Variants in DLGAP4 observed in about 807,000 individuals in gnomAD.
DLGAP4 encodes disks large-associated protein 4.
In DLGAP4, 18 loss-of-function variants were observed where a neutral mutation model predicts 86.9. That is an observed-to-expected ratio of 0.21 (90% CI 0.14 to 0.31). DLGAP4 has a LOEUF of 0.31. Ranked by LOEUF, DLGAP4 falls within the 10% of genes least tolerant of loss-of-function variation. The probability of loss-of-function intolerance (pLI) is 1.00; values close to 1 mark genes in which losing one functional copy is unlikely to be tolerated. For missense variants in DLGAP4, 1,085 were observed against 1,362.6 expected (o/e 0.80, Z 3.21); for synonymous variants, 548 against 574.3 (o/e 0.95, Z 0.65).
At chr20:36,340,555 G>T (rs1201810137) in intron 1 of DLGAP4, among the ~76,000 whole-genome samples, 2 of 152,170 alleles carry the variant, frequency 1.3e-5, no homozygotes, top group African/African-American at 2.4e-5. Context: ...CCAGGTCGGG[G>T]GTCTCTGCTG....
chr20:36,502,200 TTC>T (rs1230048900), intron 10 of DLGAP4, among the ~76,000 whole-genome samples: 3 of 152,234 alleles, frequency 2.0e-5, no homozygotes, highest in Admixed American at 6.5e-5. Flanking sequence ...TAATCAGTGT[TTC>T]TGTTTACTAT....
intron 10 of DLGAP4, among the ~76,000 whole-genome samples, chr20:36,519,312 G>C (rs1427560639): frequency 6.6e-6 from 1 of 152,052 alleles, no homozygotes; most frequent in African/African-American, 2.4e-5. Flanking sequence ...ATGATACCCA[G>C]TCAGTTCTTT....
intron 2 of DLGAP4, among the ~76,000 whole-genome samples, chr20:36,428,024 T>A (rs149282789): frequency 1.9e-4 from 29 of 152,086 alleles, no homozygotes; most frequent in African/African-American, 7.0e-4. Context: ...CAGGGGAAAA[T>A]ATATAGCTTT....
In DLGAP4 at chr20:36,381,057, C is replaced by A. The variant is rs80049182; in HGVS notation, c.-73+13782C>A. The stretch of plus-strand genomic sequence containing the variant: ...GCTAGCATGATCCACCTTAAAGTAC[C>A]CACCTCACAGGGAAAGATTCTAAGA... On this transcript the variant is annotated intron_variant, in intron 2 of 12. Transcript: ENST00000339266. Among the ~76,000 whole-genome samples the A allele has an allele frequency of 3.0e-3, 458 of 152,294 alleles. 3 individuals are homozygous for A. The highest frequency in any genetic ancestry group is 0.011 in the African/African-American group (439 of 41,560).
intron 1 of DLGAP4, among the ~76,000 whole-genome samples, chr20:36,334,933 C>A (rs1173226729): frequency 6.6e-6 from 1 of 152,104 alleles, no homozygotes; most frequent in Non-Finnish European, 1.5e-5. Flanking sequence ...GATTGCCCCC[C>A]GGGGGTGGCA....
At position 36,474,193 on chromosome 20, in the gene DLGAP4, A is replaced by T. The variant is rs186395897; in HGVS notation, c.1649-22512A>T. 5.5e-3 allele frequency among the ~76,000 whole-genome samples: 837 copies of T among 152,340 alleles called. 4 individuals carry two copies. Among genetic ancestry groups the T allele is most frequent in the Non-Finnish European group, 7.4e-3 (501 of 68,040 alleles). On this transcript the variant is annotated intron_variant, in intron 7 of 12. Coordinates refer to ENST00000339266, the MANE Select transcript of DLGAP4 (RefSeq NM_001365621.2). ...AATAGCCAAAAACTGTCCATGTCCC[A>T]TGCCTGGAAAGATGTAGATGGATTG...
chr20:36,409,816 G>A (rs1192292997), intron 2 of DLGAP4, among the ~76,000 whole-genome samples: 5 of 151,688 alleles, frequency 3.3e-5, no homozygotes, highest in African/African-American at 7.3e-5. Flanking sequence ...GGCGGATCAC[G>A]AGGTCAGGAG....
intron 10 of DLGAP4, among the ~76,000 whole-genome samples, chr20:36,519,886 G>C (rs2037268839): frequency 6.6e-6 from 1 of 151,914 alleles, no homozygotes. Flanking sequence ...GACCTTCTGG[G>C]CTCAAGCAAT....
At chr20:36,498,962 A>G (rs1468370804) in intron 8 of DLGAP4, 4 of 410,796 alleles carry the variant, frequency 9.7e-6, no homozygotes, top group Admixed American at 4.1e-5. Context: ...ACCCAGTGCT[A>G]AAGGTAACCT....
intron 7 of DLGAP4, among the ~76,000 whole-genome samples, chr20:36,463,083 G>C (rs866806650): frequency 1.3e-5 from 2 of 152,206 alleles, no homozygotes; most frequent in South Asian, 2.1e-4. Flanking sequence ...CACCAGAGTG[G>C]GCAAGTGAAC....
chr20:36,430,955 TAAAAAAAAA>T (rs5841234), intron 2 of DLGAP4, among the ~76,000 whole-genome samples: 62 of 119,598 alleles, frequency 5.2e-4, no homozygotes, highest in African/African-American at 2.0e-3. Flanking sequence ...ACTCTGTCTC[TAAAAAAAAA>T]AAAAAAAAAA....
chr20:36,416,465 G>A (rs2032657203), intron 2 of DLGAP4, among the ~76,000 whole-genome samples: 1 of 152,200 alleles, frequency 6.6e-6, no homozygotes, highest in Non-Finnish European at 1.5e-5. Flanking sequence ...AACCATCGGG[G>A]ACTCCAGGAC....
At chr20:36,484,847 C>T (rs1170946784) in intron 7 of DLGAP4, among the ~76,000 whole-genome samples, 1 of 152,254 alleles carries the variant, frequency 6.6e-6, no homozygotes, top group Non-Finnish European at 1.5e-5. Context: ...TGCACGTGCA[C>T]CTGCATTGTA....
Position 36,462,434 on chromosome 20 carries a change from T to C in DLGAP4, c.1648+15497T>C, listed in dbSNP as rs533122020. 224 of 1,518,140 alleles carry C rather than the reference T, an allele frequency of 1.5e-4. 2 individuals are homozygous for C. The African/African-American group carries it at 2.9e-3, about 20-fold the overall frequency. 94.0% of individuals were successfully genotyped at this position (1,518,140 alleles called of 1,614,324 possible). ...GAAGGCCCCCCTTTGAGCCTGCTTC[T>C]TTGCCTGGGGCCCTTGGCCCCCCCT... On this transcript the variant is annotated intron_variant, in intron 7 of 12. Transcript: ENST00000339266.
chr20:36,396,516 CAT>C (rs2031989060), intron 2 of DLGAP4, among the ~76,000 whole-genome samples: 1 of 95,714 alleles, frequency 1.0e-5, no homozygotes, highest in Non-Finnish European at 2.3e-5. Flanking sequence ...ACACACACCA[CAT>C]ACATACACGT....
intron 9 of DLGAP4, 43 bp downstream of exon 9, chr20:36,499,719 C>T (rs1274569744): frequency 2.0e-6 from 3 of 1,519,680 alleles, no homozygotes; most frequent in East Asian, 4.6e-5. Flanking sequence ...CCTCTCCTCT[C>T]CCTCCCTCCG....
intron 7 of DLGAP4, among the ~76,000 whole-genome samples, chr20:36,494,918 A>G (rs1483818907): frequency 1.3e-5 from 2 of 151,564 alleles, no homozygotes; most frequent in African/African-American, 4.9e-5. Context: ...GTTCGAGACT[A>G]ACCTGGCAAC....
At chr20:36,449,411 G>T (rs181767142) in intron 7 of DLGAP4, among the ~76,000 whole-genome samples, 35 of 152,304 alleles carry the variant, frequency 2.3e-4, no homozygotes, top group Non-Finnish European at 3.7e-4. Context: ...AGACTGGTCT[G>T]CTACAGCCTC....
At chr20:36,467,552 G>C (rs1163120832) in intron 7 of DLGAP4, among the ~76,000 whole-genome samples, 7 of 152,196 alleles carry the variant, frequency 4.6e-5, no homozygotes, top group African/African-American at 1.7e-4. Context: ...CTTTCCAGAG[G>C]ATGAATCAGG....
Sources: gnomAD v4.1 joint callset for allele counts (sites outside exome capture counted in the v4.1 genomes callset) on GRCh38, gnomAD v4.1.1 for gene constraint, MANE v1.5 for transcripts, NCBI Gene and HGNC (gene_info 2026-07-23, HGNC 2026-07-21) for gene names.